CDK14: variants seen among roughly 807,000 people sequenced by gnomAD.
CDK14 encodes cyclin-dependent kinase 14.
Under a neutral mutation model 60.7 loss-of-function variants are expected in CDK14, and 34 were observed. That is an observed-to-expected ratio of 0.56 (90% CI 0.43 to 0.75). The LOEUF (loss-of-function observed/expected upper bound fraction) is 0.75. Among genes scored for constraint, CDK14 ranks in the 30% least tolerant of loss-of-function variants. The probability of loss-of-function intolerance (pLI) is 0.00; values close to 1 mark genes in which losing one functional copy is unlikely to be tolerated. For missense variants in CDK14, 482 were observed against 564.1 expected (o/e 0.85, Z 1.47); for synonymous variants, 197 against 203.7 (o/e 0.97, Z 0.28).
chr7:90,910,544 A>G (rs1338597881), intron 7 of CDK14, among the ~76,000 whole-genome samples: 1 of 152,182 alleles, frequency 6.6e-6, no homozygotes, highest in South Asian at 2.1e-4. Flanking sequence ...GGAACATACT[A>G]TTTGAAGTAT....
At chr7:90,689,515 T>C (rs978489472) in intron 2 of CDK14, among the ~76,000 whole-genome samples, 3 of 152,062 alleles carry the variant, frequency 2.0e-5, no homozygotes, top group Non-Finnish European at 4.4e-5. Flanking sequence ...AATTGAACTG[T>C]GTAGTCTGTG....
At chr7:90,917,197 A>G (rs1409136533) in intron 7 of CDK14, among the ~76,000 whole-genome samples, 1 of 152,196 alleles carries the variant, frequency 6.6e-6, no homozygotes, top group Non-Finnish European at 1.5e-5. Flanking sequence ...GTGCATATTG[A>G]TATAAACCCT....
At chr7:90,887,502 A>G (rs1399186349) in intron 6 of CDK14, among the ~76,000 whole-genome samples, 2 of 152,302 alleles carry the variant, frequency 1.3e-5, no homozygotes, top group South Asian at 2.1e-4. Context: ...TACATTGTGT[A>G]TAATATACAT....
At chr7:90,849,279 ACCTCCTGCCATGACAGAAATCTT>A (rs1472999695) in intron 5 of CDK14, among the ~76,000 whole-genome samples, 1 of 150,250 alleles carries the variant, frequency 6.7e-6, no homozygotes, top group Non-Finnish European at 1.5e-5. Context: ...CTCGCTCTTC[ACCTCCTGCCATGACAGAAATCTT>A]CCTGAGGCCT....
At chr7:90,665,601 G>T (rs1800962717) in intron 2 of CDK14, among the ~76,000 whole-genome samples, 1 of 152,136 alleles carries the variant, frequency 6.6e-6, no homozygotes, top group Admixed American at 6.5e-5. Context: ...AGTAATGAGG[G>T]GAAGTTCTTT....
chr7:90,866,907 A>C (rs1404884920), intron 6 of CDK14, among the ~76,000 whole-genome samples: 1 of 152,156 alleles, frequency 6.6e-6, no homozygotes, highest in Non-Finnish European at 1.5e-5. Flanking sequence ...TACAGACCTA[A>C]AGTGTTCTGT....
At chr7:90,956,687 G>A (rs974432057) in intron 9 of CDK14, among the ~76,000 whole-genome samples, 5 of 151,710 alleles carry the variant, frequency 3.3e-5, no homozygotes, top group South Asian at 2.1e-4. Flanking sequence ...ATATGTATAC[G>A]TGTGCCATGC....
At chr7:91,107,431 A>C (rs1799337627) in intron 12 of CDK14, 1 of 152,234 alleles carries the variant, frequency 6.6e-6, no homozygotes, top group African/African-American at 2.4e-5. Flanking sequence ...TAGTGAGAAT[A>C]TGTGAAGCAA....
intron 14 of CDK14, among the ~76,000 whole-genome samples, chr7:91,169,195 A>G (rs1801438679): frequency 1.3e-5 from 2 of 152,190 alleles, no homozygotes; most frequent in Admixed American, 1.3e-4. Context: ...CACCGGCGTG[A>G]TACCGCTTTG....
chr7:90,834,553 A>G (rs1383827727), intron 5 of CDK14, among the ~76,000 whole-genome samples: 1 of 152,186 alleles, frequency 6.6e-6, no homozygotes, highest in Non-Finnish European at 1.5e-5. Context: ...AAGTTTTAAA[A>G]GAGTACTTTG....
chr7:90,804,715 T>C (rs1217677913), intron 5 of CDK14, among the ~76,000 whole-genome samples: 1 of 152,144 alleles, frequency 6.6e-6, no homozygotes, highest in Non-Finnish European at 1.5e-5. Context: ...AAGTTTGTTT[T>C]TTAAAATCAA....
chr7:91,122,258 A>G (rs962778836), intron 14 of CDK14, among the ~76,000 whole-genome samples: 4 of 139,846 alleles, frequency 2.9e-5, no homozygotes, highest in African/African-American at 1.1e-4. Flanking sequence ...CTGCAAATCC[A>G]CATTATGTAG....
At chr7:90,604,030 C>T (rs551522673) in intron 1 of CDK14, among the ~76,000 whole-genome samples, 188 bp from the exon 2 acceptor site, 2 of 152,328 alleles carry the variant, frequency 1.3e-5, no homozygotes, top group African/African-American at 4.8e-5. Flanking sequence ...TCAAAAGATG[C>T]ATGCTGTGCA....
chr7:90,718,744 C>T (rs574675425), intron 2 of CDK14, among the ~76,000 whole-genome samples: 1 of 152,196 alleles, frequency 6.6e-6, no homozygotes, highest in African/African-American at 2.4e-5. Flanking sequence ...CACACGCATA[C>T]TATTAGGGAG....
At chr7:90,743,182 G>A (rs1048926408) in intron 3 of CDK14, among the ~76,000 whole-genome samples, 4 of 152,090 alleles carry the variant, frequency 2.6e-5, no homozygotes, top group African/African-American at 4.8e-5. Context: ...CCTATATAGC[G>A]TGGTGGTATG....
At chr7:91,091,647 C>T (rs568013672) in intron 12 of CDK14, among the ~76,000 whole-genome samples, 140 of 143,330 alleles carry the variant, frequency 9.8e-4, no homozygotes, top group African/African-American at 3.5e-3. Context: ...CTAGCCTGGG[C>T]GACAGAGCAA....
intron 3 of CDK14, among the ~76,000 whole-genome samples, chr7:90,738,794 C>G (rs568910496): frequency 6.8e-4 from 103 of 152,120 alleles, no homozygotes; most frequent in Non-Finnish European, 1.2e-4. Flanking sequence ...TTGGTTTGAT[C>G]CAGTATCTTT....
At chr7:90,772,744 G>A (rs1209725460) in intron 4 of CDK14, among the ~76,000 whole-genome samples, 2 of 152,130 alleles carry the variant, frequency 1.3e-5, no homozygotes, top group African/African-American at 4.8e-5. Context: ...AAACAACCGA[G>A]TTTCAGATAT....
intron 2 of CDK14, among the ~76,000 whole-genome samples, chr7:90,716,045 G>A (rs953661901): frequency 6.6e-6 from 1 of 151,840 alleles, no homozygotes; most frequent in Non-Finnish European, 1.5e-5. Context: ...TTCCATGATG[G>A]CATTTTAACC....
Sources: gnomAD v4.1 joint callset for allele counts (sites outside exome capture counted in the v4.1 genomes callset) on GRCh38, gnomAD v4.1.1 for gene constraint, MANE v1.5 for transcripts, NCBI Gene and HGNC (gene_info 2026-07-23, HGNC 2026-07-21) for gene names.